CECR2: variants seen among roughly 807,000 people sequenced by gnomAD.
CECR2 encodes chromatin remodeling regulator CECR2.
Under a neutral mutation model 154.5 loss-of-function variants are expected in CECR2, and 30 were observed. The observed-to-expected ratio is 0.19, with a 90% CI of 0.15 to 0.26. The LOEUF is 0.26. CECR2 is among the 10% of genes least tolerant of loss of function. The probability of loss-of-function intolerance (pLI) is 1.00; values close to 1 mark genes in which losing one functional copy is unlikely to be tolerated. For synonymous variants in CECR2, 725 were observed against 683.7 expected (o/e 1.06, Z -0.94); for missense variants, 1,743 against 1,829.3 (o/e 0.95, Z 0.86).
intron 1 of CECR2, among the ~76,000 whole-genome samples, chr22:17,448,491 G>A (rs2146690799): frequency 6.6e-6 from 1 of 152,270 alleles, no homozygotes; most frequent in East Asian, 1.9e-4. Flanking sequence ...GGTTTTTCCT[G>A]ATGAATTCCC....
At chr22:17,415,036 G>A (rs2522311) in intron 1 of CECR2, among the ~76,000 whole-genome samples, 47,230 of 152,060 alleles carry the variant, frequency 0.31, 8,048 homozygotes, top group East Asian at 0.5. Flanking sequence ...TTGGGGCATA[G>A]GAGTATGTGT....
At chr22:17,418,002 C>A (rs2054180896) in intron 1 of CECR2, among the ~76,000 whole-genome samples, 2 of 151,980 alleles carry the variant, frequency 1.3e-5, no homozygotes, top group African/African-American at 2.4e-5. Flanking sequence ...AACATAAAAA[C>A]CAATCATCTT....
chr22:17,470,674 C>T (rs2055111690), intron 1 of CECR2, among the ~76,000 whole-genome samples: 1 of 124,970 alleles, frequency 8.0e-6, no homozygotes, highest in African/African-American at 3.5e-5. Flanking sequence ...TCTCCACCTG[C>T]AGTTAGTTGC....
In CECR2 at chr22:17,486,560, G is replaced by A. The variant is rs992499366; in HGVS notation, c.221+8878G>A. 3.3e-5 allele frequency among the ~76,000 whole-genome samples: 5 copies of A among 152,306 alleles called. No individual in the cohort carries two copies. The East Asian group carries it at 5.8e-4, about 18-fold the overall frequency. On this transcript the variant is annotated intron_variant, in intron 2 of 18. Coordinates refer to ENST00000262608, the MANE Select transcript of CECR2 (RefSeq NM_001290047.2). ...TGGGAAAGCCCACATGGCTGGGAAC[G>A]CGGGTGGCCTTGAGGAGCTGAGGGC...
Position 17,552,059 on chromosome 22 carries a change from G to T in CECR2, c.4306G>T (p.Ala1436Ser), listed in dbSNP as rs1239306811. ...GCAGATGCACCCGGTCCAGTCGCAG[G>T]CCTCGTTCCCAAAGACCCCCACAGC... ...GMQMHPVQSQ[A>S]SFPKTPTAAT... The change falls in exon 18 of 19, where the codon GCC (alanine) becomes TCC (serine). Residue 1436 changes from alanine to serine, a missense_variant. Ala to Ser is a moderately conservative substitution (Grantham distance 99, BLOSUM62 1). Around this residue, in one of 4 missense-constraint regions of CECR2, gnomAD observed 1,250 missense variants for 1,192.1 expected, o/e 1.05. Transcript: ENST00000262608. The T allele has an allele frequency of 6.2e-7, 1 of 1,613,976 alleles. No individual in the cohort carries two copies. The highest frequency in any genetic ancestry group is 1.7e-5 in the Admixed American group (1 of 60,020).
At position 17,439,754 on chromosome 22, in the gene CECR2, G is replaced by A. The variant is rs567782747; in HGVS notation, c.127-37834G>A. Among the ~76,000 whole-genome samples the A allele has an allele frequency of 3.3e-5, 5 of 152,228 alleles. No homozygotes were observed. In the South Asian group the frequency reaches 1.0e-3, roughly 32 times the overall value. ...TGCCAGTCCTGGAATTTTAATCAATGGGTACAAAACAACTGCCGTGCAATG... is the reference window on the plus strand; with the variant it reads ...TGCCAGTCCTGGAATTTTAATCAATAGGTACAAAACAACTGCCGTGCAATG... On this transcript the variant is annotated intron_variant, in intron 1 of 18. Coordinates refer to ENST00000262608, the MANE Select transcript of CECR2 (RefSeq NM_001290047.2).
intron 9 of CECR2, among the ~76,000 whole-genome samples, chr22:17,525,487 T>C (rs2056248459): frequency 6.6e-6 from 1 of 151,718 alleles, no homozygotes; most frequent in Admixed American, 6.6e-5. Context: ...ACGCCTGTAA[T>C]CCCAGCTACT....
At chr22:17,466,803 A>G (rs1181884077) in intron 1 of CECR2, among the ~76,000 whole-genome samples, 1 of 152,178 alleles carries the variant, frequency 6.6e-6, no homozygotes, top group Non-Finnish European at 1.5e-5. Context: ...CATGTTGGTC[A>G]GGCTGGTCTC....
At chr22:17,506,836 A>T (rs991392121) in intron 7 of CECR2, among the ~76,000 whole-genome samples, 26 of 151,976 alleles carry the variant, frequency 1.7e-4, no homozygotes, top group African/African-American at 6.3e-4. Context: ...TTATATTTTT[A>T]GTAGAGATGG....
chr22:17,470,911 C>T (rs1257607237), intron 1 of CECR2, among the ~76,000 whole-genome samples: 2 of 152,074 alleles, frequency 1.3e-5, no homozygotes, highest in African/African-American at 4.8e-5. Context: ...TTTGGTGACT[C>T]CCCAGTACTT....
At position 17,539,044 on chromosome 22, in the gene CECR2, T is replaced by C; in HGVS notation, c.1420T>C (p.Cys474Arg). 4 of 1,613,932 alleles carry C rather than the reference T, an allele frequency of 2.5e-6. No homozygotes were observed. The highest frequency in any genetic ancestry group is 3.4e-6 in the Non-Finnish European group (4 of 1,179,820). Residue 474 changes from cysteine (C) to arginine (R), a missense_variant, in exon 13 of 19, where the codon TGT becomes CGT. Physicochemically the swap from Cys to Arg is radical, Grantham distance 180 (BLOSUM62 -3). Around this residue, in one of 4 missense-constraint regions of CECR2, gnomAD observed 103 missense variants for 166.8 expected, o/e 0.62. Coordinates refer to ENST00000262608, the MANE Select transcript of CECR2 (RefSeq NM_001290047.2). The part of the protein sequence containing the change: ...MEKKLNGGLY[C>R]TKEEFVNDMK... Reference sequence around the variant, plus strand: ...GAAGAAACTGAATGGAGGTTTATACTGTACCAAGGAGGAATTTGTAAATGA... The same window carrying C: ...GAAGAAACTGAATGGAGGTTTATACCGTACCAAGGAGGAATTTGTAAATGA...
At position 17,540,721 on chromosome 22, in the gene CECR2, G is replaced by A. The variant is rs758325027; in HGVS notation, c.1805G>A (p.Gly602Asp). ...SSSTQPPREVGTSNGRGFSHP... is the reference protein window; with the variant it reads ...SSSTQPPREVDTSNGRGFSHP... ...TCCACACAGCCCCCGCGGGAGGTGG[G>A]CACTTCCAATGGCCGAGGTTTTTCT... The change falls in exon 14 of 19, where the codon GGC becomes GAC. Residue 602 changes from glycine (G) to aspartate (D), a missense_variant. Around this residue, in one of 4 missense-constraint regions of CECR2, gnomAD observed 1,250 missense variants for 1,192.1 expected, o/e 1.05. Transcript: ENST00000262608. 13 of 1,612,708 alleles carry A rather than the reference G, an allele frequency of 8.1e-6. No individual in the cohort carries two copies. The Admixed American group carries it at 2.0e-4, about 25-fold the overall frequency.
chr22:17,500,785 T>G, intron 5 of CECR2, 50 bp downstream of exon 5: 1 of 1,234,176 alleles, frequency 8.1e-7, no homozygotes, highest in Non-Finnish European at 1.1e-6. Flanking sequence ...GAAGGGACCT[T>G]AATTCATTTA....
chr22:17,457,119 G>T (rs928970327), intron 1 of CECR2, among the ~76,000 whole-genome samples: 6 of 152,168 alleles, frequency 3.9e-5, no homozygotes, highest in African/African-American at 1.4e-4. Flanking sequence ...CTCCGCCCCC[G>T]CGGGTTCAAG....
In CECR2 at chr22:17,452,464, A is replaced by T. The variant is rs1308546434; in HGVS notation, c.127-25124A>T. 3.3e-5 allele frequency among the ~76,000 whole-genome samples: 5 copies of T among 152,158 alleles called. No individual in the cohort carries two copies. In the South Asian group the frequency reaches 6.2e-4, roughly 19 times the overall value. ...GACCATCAAGTATAAGAGGGAGAATAGGGGAAAAAATGTGGTAGTGGAGGT... is the reference window on the plus strand; with the variant it reads ...GACCATCAAGTATAAGAGGGAGAATTGGGGAAAAAATGTGGTAGTGGAGGT... On this transcript the variant is annotated intron_variant, in intron 1 of 18. Transcript: ENST00000262608.
In CECR2 at chr22:17,464,930, C is replaced by T. The variant is rs57854548; in HGVS notation, c.127-12658C>T. Among the ~76,000 whole-genome samples the T allele has an allele frequency of 2.6e-4, 39 of 152,152 alleles. 1 individual carries two copies. The East Asian group carries it at 7.5e-3, about 29-fold the overall frequency. On this transcript the variant is annotated intron_variant, in intron 1 of 18. Coordinates refer to ENST00000262608, the MANE Select transcript of CECR2 (RefSeq NM_001290047.2). ...TTTCTAAGTCACAATTTCTAATTCACTTGACAGTTGGGTATTTGACCTATA... is the reference window on the plus strand; with the variant it reads ...TTTCTAAGTCACAATTTCTAATTCATTTGACAGTTGGGTATTTGACCTATA...
chr22:17,539,284 A>G (rs1222611558), intron 13 of CECR2, 165 bp downstream of exon 13: 2 of 729,044 alleles, frequency 2.7e-6, no homozygotes. Context: ...AGTGTCTGCC[A>G]GGGATTCTCT....
intron 1 of CECR2, among the ~76,000 whole-genome samples, chr22:17,450,221 G>A (rs1216925917): frequency 6.6e-6 from 1 of 152,188 alleles, no homozygotes; most frequent in Non-Finnish European, 1.5e-5. Context: ...TTGAGGAAAA[G>A]TAATTTGTTG....
intron 1 of CECR2, among the ~76,000 whole-genome samples, chr22:17,445,580 T>TTATTATTAG (rs2054648513): frequency 7.0e-6 from 1 of 143,118 alleles, no homozygotes; most frequent in Non-Finnish European, 1.5e-5. Context: ...ATTATTATTA[T>TTATTATTAG]TATTATTATT....
Sources: allele counts gnomAD v4.1 joint callset (sites outside exome capture counted in the v4.1 genomes callset), GRCh38; gene constraint gnomAD v4.1.1; regional missense constraint gnomAD v4.1.1; transcripts MANE v1.5; gene names NCBI Gene and HGNC (gene_info 2026-07-23, HGNC 2026-07-21).